Variants in MAP6 observed in about 807,000 individuals in gnomAD.
MAP6 encodes the protein microtubule-associated protein 6.
A neutral mutation model predicts 42.4 loss-of-function variants in MAP6; 26 were observed. The ratio of observed to expected loss-of-function variants is 0.61; its 90% CI spans 0.45 to 0.85. The LOEUF (loss-of-function observed/expected upper bound fraction) is 0.85. Among genes scored for constraint, MAP6 ranks in the 40% least tolerant of loss-of-function variants. The probability of loss-of-function intolerance (pLI) is 0.00; values close to 1 mark genes in which losing one functional copy is unlikely to be tolerated. For synonymous variants in MAP6, 418 were observed against 443.8 expected (o/e 0.94, Z 0.73); for missense variants, 966 against 1,099.0 (o/e 0.88, Z 1.71).
At chr11:75,618,600 A>T (rs1449764039) in intron 1 of MAP6, among the ~76,000 whole-genome samples, 2 of 136,568 alleles carry the variant, frequency 1.5e-5, no homozygotes, top group African/African-American at 2.6e-5. Flanking sequence ...AGTGAGACTT[A>T]AAAAAAAAAA....
rs1942814643 is a variant in MAP6, at chr11:75,608,130, T to C, written c.1098A>G (p.Glu366=). 1 of 1,613,816 alleles carries C rather than the reference T, an allele frequency of 6.2e-7. No individual in the cohort carries two copies. The highest frequency in any genetic ancestry group is 8.5e-7 in the Non-Finnish European group (1 of 1,180,028). The change falls in exon 2 of 4, where the codon GAA becomes GAG. Residue 366 remains glutamate, a synonymous_variant. Coordinates refer to ENST00000304771, the MANE Select transcript of MAP6 (RefSeq NM_033063.2). ...TCACCTTTGGGGGTTCCTTGAAGGG[T>C]TCGCTGTAGAGGCTGCGTATTCTTC... ...DRRRIRSLYS[E]PFKEPPKVEK... is the part of the protein sequence containing the mutation.
chr11:75,598,361 T>A (rs1331034385), intron 3 of MAP6, among the ~76,000 whole-genome samples: 1 of 152,162 alleles, frequency 6.6e-6, no homozygotes, highest in Non-Finnish European at 1.5e-5. Context: ...GAGGGTCCTG[T>A]CACCCTAGAG....
intron 1 of MAP6, among the ~76,000 whole-genome samples, chr11:75,641,562 A>C (rs1229555680): frequency 2.0e-5 from 3 of 152,136 alleles, no homozygotes; most frequent in African/African-American, 7.2e-5. Context: ...TCTGCACTGT[A>C]AACAACCACT....
At chr11:75,622,921 G>C (rs1943133588) in intron 1 of MAP6, among the ~76,000 whole-genome samples, 1 of 152,178 alleles carries the variant, frequency 6.6e-6, no homozygotes, top group South Asian at 2.1e-4. Context: ...ATTATTGGTA[G>C]CTTGAAAGCA....
chr11:75,591,785 G>C (rs547459895), intron 3 of MAP6, among the ~76,000 whole-genome samples: 1 of 152,344 alleles, frequency 6.6e-6, no homozygotes, highest in South Asian at 2.1e-4. Flanking sequence ...TTGCCTGAAA[G>C]GTCTTGGGCA....
intron 1 of MAP6, among the ~76,000 whole-genome samples, chr11:75,664,649 C>T (rs1338915812): frequency 1.3e-5 from 2 of 152,176 alleles, no homozygotes; most frequent in Non-Finnish European, 2.9e-5. Context: ...TCTAAGGCAA[C>T]ATAAGGCCCA....
At chr11:75,651,603 T>C (rs1458410451) in intron 1 of MAP6, among the ~76,000 whole-genome samples, 1 of 152,208 alleles carries the variant, frequency 6.6e-6, no homozygotes, top group East Asian at 1.9e-4. Context: ...ACTAATAGTA[T>C]TTCACAATGG....
At chr11:75,592,323 G>A (rs975335347) in intron 3 of MAP6, among the ~76,000 whole-genome samples, 1 of 152,238 alleles carries the variant, frequency 6.6e-6, no homozygotes, top group South Asian at 2.1e-4. Flanking sequence ...CCTGAAGACA[G>A]GGGCCAACCT....
chr11:75,632,261 C>T (rs1943296010), intron 1 of MAP6, among the ~76,000 whole-genome samples: 2 of 152,274 alleles, frequency 1.3e-5, no homozygotes, highest in South Asian at 4.1e-4. Context: ...GGGCAGGCTT[C>T]CTCTGTGTTC....
At chr11:75,654,555 C>G (rs1400563997) in intron 1 of MAP6, among the ~76,000 whole-genome samples, 1 of 152,170 alleles carries the variant, frequency 6.6e-6, no homozygotes, top group Non-Finnish European at 1.5e-5. Context: ...CCAGGAGCTC[C>G]TTTAGGACAG....
Position 75,586,996 on chromosome 11 carries a change from C to G in MAP6, c.*63G>C. 1 of 1,463,304 alleles carries G rather than the reference C, an allele frequency of 6.8e-7. No individual in the cohort carries two copies. Among genetic ancestry groups the G allele is most frequent in the Non-Finnish European group, 9.2e-7 (1 of 1,085,142 alleles). 90.6% of individuals were successfully genotyped at this position (1,463,304 alleles called of 1,614,324 possible). A position where few individuals can be genotyped will look rare whatever the true frequency, so the allele number is the denominator to read the frequency against. ...CATGCAGATTAAATATGTGTCTTCACTGCCCCTGGGAGGGGAGCACTCTCA... is the reference window on the plus strand; with the variant it reads ...CATGCAGATTAAATATGTGTCTTCAGTGCCCCTGGGAGGGGAGCACTCTCA... On this transcript the variant is annotated 3_prime_UTR_variant, in exon 4 of 4. Coordinates refer to ENST00000304771, the MANE Select transcript of MAP6 (RefSeq NM_033063.2).
chr11:75,643,738 T>G (rs550049716), intron 1 of MAP6, among the ~76,000 whole-genome samples: 3 of 152,222 alleles, frequency 2.0e-5, no homozygotes, highest in Non-Finnish European at 2.9e-5. Context: ...TTACACACAT[T>G]AACTCATTTA....
chr11:75,649,460 TG>T (rs1292934270), intron 1 of MAP6, among the ~76,000 whole-genome samples: 3 of 151,908 alleles, frequency 2.0e-5, no homozygotes, highest in Non-Finnish European at 4.4e-5. Flanking sequence ...CTGGGCCTAG[TG>T]GGGGGGAAAA....
chr11:75,662,737 T>G (rs1350885608), intron 1 of MAP6, among the ~76,000 whole-genome samples: 2 of 152,182 alleles, frequency 1.3e-5, no homozygotes, highest in Non-Finnish European at 2.9e-5. Context: ...GAAGTAGTTT[T>G]TAAAAACTTG....
chr11:75,601,480 A>T (rs1384520534), intron 3 of MAP6, among the ~76,000 whole-genome samples: 1 of 152,174 alleles, frequency 6.6e-6, no homozygotes, highest in Non-Finnish European at 1.5e-5. Flanking sequence ...AAACAAATAC[A>T]TACGGCTTTT....
chr11:75,621,223 T>C (rs609811), intron 1 of MAP6, among the ~76,000 whole-genome samples: 3 of 152,002 alleles, frequency 2.0e-5, no homozygotes, highest in East Asian at 1.9e-4. Flanking sequence ...CTCTTGTAAT[T>C]CCAGCATGTT....
At chr11:75,666,179 A>G (rs1257672574) in intron 1 of MAP6, among the ~76,000 whole-genome samples, 1 of 152,144 alleles carries the variant, frequency 6.6e-6, no homozygotes, top group Admixed American at 6.6e-5. Flanking sequence ...CCTCTAGCTC[A>G]ATTACTTTCA....
At chr11:75,619,168 C>T (rs200344099) in intron 1 of MAP6, among the ~76,000 whole-genome samples, 1 of 152,032 alleles carries the variant, frequency 6.6e-6, no homozygotes, top group African/African-American at 2.4e-5. Flanking sequence ...TAGTGTGTGT[C>T]TTTCCTAGGA....
At chr11:75,596,631 C>T (rs1269384262) in intron 3 of MAP6, 1 of 152,430 alleles carries the variant, frequency 6.6e-6, no homozygotes, top group Non-Finnish European at 1.5e-5. Context: ...CACATTCACA[C>T]CTGGAAGCCC....
Sources: gnomAD v4.1 joint callset for allele counts (sites outside exome capture counted in the v4.1 genomes callset) on GRCh38, gnomAD v4.1.1 for gene constraint, MANE v1.5 for transcripts, NCBI Gene and HGNC (gene_info 2026-07-23, HGNC 2026-07-21) for gene names.